RNF111: variants seen among roughly 807,000 people sequenced by gnomAD.
RNF111 encodes E3 ubiquitin-protein ligase Arkadia.
In RNF111, 17 loss-of-function variants were observed where a neutral mutation model predicts 95.1. That is an observed-to-expected ratio of 0.18 (90% CI 0.12 to 0.27). RNF111 has a LOEUF of 0.27. Ranked by LOEUF, RNF111 falls within the 10% of genes least tolerant of loss-of-function variation. The pLI, the probability that RNF111 is intolerant of heterozygous loss-of-function variation, is 1.00. For missense variants in RNF111, 1,189 were observed against 1,210.4 expected (o/e 0.98, Z 0.26); for synonymous variants, 440 against 414.8 (o/e 1.06, Z -0.74).
Position 59,031,337 on chromosome 15 carries a change from C to G in RNF111, c.515C>G (p.Ala172Gly). 6.2e-7 allele frequency: 1 copy of G among 1,614,104 alleles called. No individual in the cohort carries two copies. Among genetic ancestry groups the G allele is most frequent in the East Asian group, 2.2e-5 (1 of 44,894 alleles). The change falls in exon 2 of 14, where the codon GCT (alanine) becomes GGT (glycine). Residue 172 changes from alanine (A) to glycine (G), a missense_variant. Physicochemically the swap from Ala to Gly is moderately conservative, Grantham distance 60 (BLOSUM62 0). This residue lies in a region of RNF111 where 1,024 missense variants were observed against 925.9 expected (regional missense o/e 1.11). Transcript: ENST00000348370. ...SVRHSQTILN[A>G]KSRSHSARSH... is the part of the protein sequence containing the mutation. ...AGACATTCCCAGACCATTTTGAATGCTAAAAGTAGAAGCCATAGTGCACGG... is the reference window on the plus strand; with the variant it reads ...AGACATTCCCAGACCATTTTGAATGGTAAAAGTAGAAGCCATAGTGCACGG...
intron 1 of RNF111, among the ~76,000 whole-genome samples, chr15:58,993,322 A>T (rs892291978): frequency 6.6e-6 from 1 of 152,220 alleles, no homozygotes; most frequent in African/African-American, 2.4e-5. Flanking sequence ...CAGCCTGGCC[A>T]ACATGGTGAA....
Position 59,084,117 on chromosome 15 carries a change from C to T in RNF111, c.2298-12C>T, listed in dbSNP as rs764102234. 3 of 1,571,512 alleles carry T rather than the reference C, an allele frequency of 1.9e-6. No homozygotes were observed. Among genetic ancestry groups the T allele is most frequent in the Admixed American group, 3.7e-5 (2 of 53,470 alleles). ...TTATTTCCAGTGGTCTTTTTGTGTT[C>T]TGTGTTTCCAGGCGGGCACATGAAC... On this transcript the variant is annotated splice_polypyrimidine_tract_variant and intron_variant, in intron 8 of 13. Coordinates refer to ENST00000348370, the MANE Select transcript of RNF111 (RefSeq NM_017610.8).
At chr15:59,092,009 C>T (rs2079067941) in intron 12 of RNF111, among the ~76,000 whole-genome samples, 1 of 152,178 alleles carries the variant, frequency 6.6e-6, no homozygotes, top group South Asian at 2.1e-4. Flanking sequence ...TACTGGTTTG[C>T]AGCCCAGGGG....
intron 8 of RNF111, among the ~76,000 whole-genome samples, chr15:59,082,268 A>G (rs532377975): frequency 1.3e-5 from 2 of 152,344 alleles, no homozygotes; most frequent in Admixed American, 1.3e-4. Context: ...ATGCAAACCA[A>G]TTAAAAAAAA....
Position 59,031,505 on chromosome 15 carries a change from A to C in RNF111, c.683A>C (p.Gln228Pro), listed in dbSNP as rs746504764. The change falls in exon 2 of 14, where the codon CAA becomes CCA. Residue 228 changes from glutamine (Q) to proline (P), a missense_variant. Coordinates refer to ENST00000348370, the MANE Select transcript of RNF111 (RefSeq NM_017610.8). ...KNNSSQRTQK[Q>P]KERILMQRKK... ...AATTCCTCACAGAGGACACAGAAAC[A>C]AAAAGAGAGGATATTAATGCAGAGG... 8.1e-6 allele frequency: 13 copies of C among 1,614,056 alleles called. No individual in the cohort carries two copies. Among genetic ancestry groups the C allele is most frequent in the African/African-American group, 1.3e-5 (1 of 74,938 alleles).
chr15:59,073,348 G>A (rs2043023920), intron 6 of RNF111, among the ~76,000 whole-genome samples: 2 of 151,962 alleles, frequency 1.3e-5, no homozygotes, highest in Non-Finnish European at 2.9e-5. Flanking sequence ...GTGCGTGGTG[G>A]CATGCACCTG....
intron 1 of RNF111, among the ~76,000 whole-genome samples, chr15:59,017,062 G>A (rs1240048487): frequency 1.3e-5 from 2 of 151,792 alleles, no homozygotes; most frequent in Non-Finnish European, 2.9e-5. Flanking sequence ...ACGGTGAATT[G>A]TATAATATTA....
intron 5 of RNF111, among the ~76,000 whole-genome samples, chr15:59,061,723 T>C (rs945917793): frequency 1.3e-5 from 2 of 152,232 alleles, no homozygotes; most frequent in African/African-American, 2.4e-5. Flanking sequence ...TTAACTGTTA[T>C]CTTCCTTGTG....
intron 2 of RNF111, among the ~76,000 whole-genome samples, chr15:59,033,721 G>C (rs1439126467): frequency 6.6e-6 from 1 of 152,168 alleles, no homozygotes; most frequent in Admixed American, 6.5e-5. Flanking sequence ...AAGTATTAAA[G>C]AGAAGTCCAA....
intron 3 of RNF111, among the ~76,000 whole-genome samples, chr15:59,054,147 C>T (rs1392901152): frequency 6.6e-6 from 1 of 152,052 alleles, no homozygotes; most frequent in African/African-American, 2.4e-5. Flanking sequence ...GCATATTAGC[C>T]AGGCTGGTCT....
chr15:59,018,831 T>A (rs2040194032), intron 1 of RNF111, among the ~76,000 whole-genome samples: 1 of 152,228 alleles, frequency 6.6e-6, no homozygotes, highest in African/African-American at 2.4e-5. Context: ...TACTTTTTTT[T>A]AAATAAGAAA....
intron 1 of RNF111, among the ~76,000 whole-genome samples, chr15:58,997,956 G>A (rs994735969): frequency 2.0e-5 from 3 of 151,574 alleles, no homozygotes; most frequent in Admixed American, 6.6e-5. Flanking sequence ...CCAGGCTGGA[G>A]TGCAGTGGGG....
At chr15:59,022,481 T>A (rs2040393705) in intron 1 of RNF111, among the ~76,000 whole-genome samples, 1 of 152,226 alleles carries the variant, frequency 6.6e-6, no homozygotes, top group African/African-American at 2.4e-5. Flanking sequence ...AATCTCCATT[T>A]AACTGTATTT....
chr15:59,081,330 C>G, intron 8 of RNF111, 46 bp downstream of exon 8: 2 of 1,497,954 alleles, frequency 1.3e-6, no homozygotes, highest in African/African-American at 1.4e-5. Flanking sequence ...GCTTTTTCTT[C>G]TACTTCCATT....
At chr15:59,058,121 A>T (rs1327486154) in intron 4 of RNF111, among the ~76,000 whole-genome samples, 2 of 152,196 alleles carry the variant, frequency 1.3e-5, no homozygotes, top group African/African-American at 4.8e-5. Context: ...CACCTAAATT[A>T]TTGGAATAAG....
intron 13 of RNF111, 40 bp downstream of exon 13, chr15:59,092,680 T>C: frequency 6.5e-7 from 1 of 1,547,308 alleles, no homozygotes. Flanking sequence ...TTGTCAAAAC[T>C]GTACATGGGA....
At chr15:58,995,147 T>G (rs2141383818) in intron 1 of RNF111, among the ~76,000 whole-genome samples, 1 of 152,334 alleles carries the variant, frequency 6.6e-6, no homozygotes, top group African/African-American at 2.4e-5. Flanking sequence ...ATCATCCTGT[T>G]CCTCATCACT....
At chr15:59,051,857 G>T (rs1000963886) in intron 2 of RNF111, among the ~76,000 whole-genome samples, 3 of 151,908 alleles carry the variant, frequency 2.0e-5, no homozygotes, top group African/African-American at 7.3e-5. Context: ...AAAAGCTACA[G>T]TGTTTTTTTA....
At chr15:59,056,269 C>T (rs1184877753) in intron 4 of RNF111, among the ~76,000 whole-genome samples, 1 of 152,038 alleles carries the variant, frequency 6.6e-6, no homozygotes, top group Non-Finnish European at 1.5e-5. Flanking sequence ...TTATGTTATC[C>T]TTCAATATTA....
Sources: gnomAD v4.1 joint callset for allele counts (sites outside exome capture counted in the v4.1 genomes callset) on GRCh38, gnomAD v4.1.1 for gene constraint, gnomAD v4.1.1 regional missense constraint, MANE v1.5 for transcripts, NCBI Gene and HGNC (gene_info 2026-07-23, HGNC 2026-07-21) for gene names.